Variants in SSBP2 observed in about 807,000 individuals in gnomAD.
The protein encoded by SSBP2 is single-stranded DNA-binding protein 2.
A neutral mutation model predicts 61.8 loss-of-function variants in SSBP2; 17 were observed. The ratio of observed to expected loss-of-function variants is 0.28; its 90% CI spans 0.19 to 0.41. The LOEUF is 0.41. SSBP2 is among the 10% of genes least tolerant of loss of function. The probability of loss-of-function intolerance (pLI) is 1.00; values close to 1 mark genes in which losing one functional copy is unlikely to be tolerated. For missense variants in SSBP2, 310 were observed against 458.7 expected (o/e 0.68, Z 2.96); for synonymous variants, 139 against 141.3 (o/e 0.98, Z 0.12).
chr5:81,445,147 T>C lies in SSBP2; in HGVS notation c.778+1721A>G, dbSNP rs1455614717. Among the ~76,000 whole-genome samples, 46 of 67,120 alleles carry C rather than the reference T, an allele frequency of 6.9e-4. 2 individuals are homozygous for C. Among genetic ancestry groups the C allele is most frequent in the African/African-American group, 3.3e-3 (45 of 13,846 alleles). 44.0% of individuals were successfully genotyped at this position (67,120 alleles called of 152,430 possible). On this transcript the variant is annotated intron_variant, in intron 12 of 16. Transcript: ENST00000320672. ...AAAGAAAAAAAAAATTTTATATATA[T>C]ATATATATATATATATATATATATA... is the stretch of plus-strand genomic sequence containing the variant.
At chr5:81,476,861 C>T (rs978302879) in intron 6 of SSBP2, among the ~76,000 whole-genome samples, 1 of 152,052 alleles carries the variant, frequency 6.6e-6, no homozygotes, top group Non-Finnish European at 1.5e-5. Flanking sequence ...AAAAGCTTTT[C>T]TTATTTATTC....
intron 4 of SSBP2, among the ~76,000 whole-genome samples, chr5:81,585,981 CT>C (rs1244528973): frequency 6.6e-6 from 1 of 152,140 alleles, no homozygotes; most frequent in Non-Finnish European, 1.5e-5. Context: ...AATTTCCTTT[CT>C]TTTTAAGGCT....
chr5:81,628,244 G>A (rs1747369547), intron 3 of SSBP2, among the ~76,000 whole-genome samples: 1 of 152,164 alleles, frequency 6.6e-6, no homozygotes, highest in African/African-American at 2.4e-5. Flanking sequence ...AATGAAAGCT[G>A]AGCGAAGGGG....
intron 1 of SSBP2, among the ~76,000 whole-genome samples, chr5:81,665,680 G>T (rs962637888): frequency 1.3e-5 from 2 of 152,022 alleles, no homozygotes; most frequent in African/African-American, 2.4e-5. Context: ...ATTATTAGTA[G>T]TAGTAGTAGA....
chr5:81,702,598 G>C (rs1055376123), intron 1 of SSBP2, among the ~76,000 whole-genome samples: 1 of 152,074 alleles, frequency 6.6e-6, no homozygotes, highest in African/African-American at 2.4e-5. Flanking sequence ...TTTTGAAACT[G>C]AACTTCTCAA....
At chr5:81,685,007 T>G (rs1424552547) in intron 1 of SSBP2, among the ~76,000 whole-genome samples, 1 of 152,026 alleles carries the variant, frequency 6.6e-6, no homozygotes, top group East Asian at 1.9e-4. Flanking sequence ...GGGGCTGGAT[T>G]TCCCCCTTGT....
intron 1 of SSBP2, among the ~76,000 whole-genome samples, chr5:81,738,349 TA>T (rs1756762886): frequency 6.6e-6 from 1 of 152,212 alleles, no homozygotes. Context: ...AATAATAAAC[TA>T]AACCTTGAGT....
chr5:81,627,548 G>A (rs973065220), intron 3 of SSBP2, among the ~76,000 whole-genome samples: 2 of 152,068 alleles, frequency 1.3e-5, no homozygotes, highest in Non-Finnish European at 2.9e-5. Context: ...GTTATTCTTA[G>A]CTATACCTGA....
At chr5:81,508,377 C>CATTT (rs1768340062) in intron 5 of SSBP2, among the ~76,000 whole-genome samples, 1 of 152,104 alleles carries the variant, frequency 6.6e-6, no homozygotes, top group Non-Finnish European at 1.5e-5. Context: ...AAAACAGACT[C>CATTT]CAAGTAAATA....
intron 1 of SSBP2, among the ~76,000 whole-genome samples, chr5:81,662,106 TTCTC>T (rs1477926893): frequency 6.6e-6 from 1 of 152,224 alleles, no homozygotes; most frequent in Non-Finnish European, 1.5e-5. Flanking sequence ...CTTAAGTGAC[TTCTC>T]TCTGCCTAAT....
intron 10 of SSBP2, among the ~76,000 whole-genome samples, chr5:81,459,155 T>A (rs1764366703): frequency 6.6e-6 from 1 of 152,180 alleles, no homozygotes; most frequent in African/African-American, 2.4e-5. Flanking sequence ...TCTAAAATAA[T>A]GCATAACTGC....
intron 1 of SSBP2, among the ~76,000 whole-genome samples, chr5:81,656,999 T>C (rs1161065720): frequency 6.6e-6 from 1 of 152,164 alleles, no homozygotes; most frequent in Non-Finnish European, 1.5e-5. Context: ...GTCACTCCCA[T>C]GCTTCCCACG....
At chr5:81,606,111 C>T (rs191605927) in intron 4 of SSBP2, among the ~76,000 whole-genome samples, 8 of 152,156 alleles carry the variant, frequency 5.3e-5, no homozygotes, top group Admixed American at 3.9e-4. Context: ...TAGGAGTTGG[C>T]TAAGAGTAAC....
At chr5:81,710,570 G>C (rs1754705739) in intron 1 of SSBP2, 1 of 386,034 alleles carries the variant, frequency 2.6e-6, no homozygotes, top group African/African-American at 2.1e-5. Context: ...CTGATAGGTA[G>C]AAATAACTAG....
chr5:81,479,352 G>C (rs1160580818), intron 6 of SSBP2, among the ~76,000 whole-genome samples: 3 of 152,008 alleles, frequency 2.0e-5, no homozygotes. Flanking sequence ...GTGCAGTGGT[G>C]TGATCTTCAC....
intron 1 of SSBP2, among the ~76,000 whole-genome samples, chr5:81,676,414 A>G (rs184241900): frequency 3.9e-4 from 59 of 152,290 alleles, no homozygotes; most frequent in Admixed American, 3.5e-3. Context: ...GAGAGGGGCC[A>G]GATATGTAAA....
chr5:81,627,469 A>T (rs1320427401), intron 3 of SSBP2, among the ~76,000 whole-genome samples: 5 of 152,314 alleles, frequency 3.3e-5, no homozygotes, highest in Middle Eastern at 6.8e-3. Flanking sequence ...CCAGTAAGCC[A>T]ATTATAAATA....
At chr5:81,595,969 C>T (rs1456325000) in intron 4 of SSBP2, among the ~76,000 whole-genome samples, 3 of 152,182 alleles carry the variant, frequency 2.0e-5, no homozygotes, top group Non-Finnish European at 4.4e-5. Flanking sequence ...CCTCTCTCAC[C>T]ACTCCTATTC....
intron 4 of SSBP2, among the ~76,000 whole-genome samples, chr5:81,529,703 C>T (rs554604693): frequency 5.9e-5 from 9 of 152,122 alleles, no homozygotes; most frequent in Admixed American, 2.0e-4. Context: ...AGAAGAACAA[C>T]ATAGATATGC....
Sources: gnomAD v4.1 joint callset for allele counts (sites outside exome capture counted in the v4.1 genomes callset) on GRCh38, gnomAD v4.1.1 for gene constraint, MANE v1.5 for transcripts, NCBI Gene and HGNC (gene_info 2026-07-23, HGNC 2026-07-21) for gene names.